The following MAP6D1 variants were observed in gnomAD, a reference collection of about 807,000 sequenced individuals.
MAP6D1 encodes MAP6 domain containing 1, also known as MAP6 domain-containing protein 1.
A neutral mutation model predicts 17.4 loss-of-function variants in MAP6D1; 13 were observed. The observed-to-expected ratio is 0.75, with a 90% CI of 0.49 to 1.19. The LOEUF is 1.19. Among genes scored for constraint, MAP6D1 ranks in the 50% most tolerant of loss-of-function variants. The probability of loss-of-function intolerance (pLI) is 0.00; values close to 1 mark genes in which losing one functional copy is unlikely to be tolerated. For synonymous variants in MAP6D1, 141 were observed against 145.7 expected (o/e 0.97, Z 0.23); for missense variants, 313 against 312.6 (o/e 1.00, Z -0.01).
At position 183,817,996 on chromosome 3, in the gene MAP6D1, G is replaced by A. The variant is rs749110009; in HGVS notation, c.517C>T (p.Gln173Ter). 2.5e-6 allele frequency: 4 copies of A among 1,613,632 alleles called. No individual in the cohort carries two copies. The highest frequency in any genetic ancestry group is 3.4e-6 in the Non-Finnish European group (4 of 1,179,554). ...GWDSSPGAGF[Q>*]VPEVRKKFTP... ...TGCTACACCAGCTTCCGGCTGACCTGGAAGCCGGCCCCAGGGCTGCTGTCC... is the reference window on the plus strand; with the variant it reads ...TGCTACACCAGCTTCCGGCTGACCTAGAAGCCGGCCCCAGGGCTGCTGTCC... The change falls in exon 2 of 3, where the codon CAG becomes TAG. Residue 173 changes from glutamine (Q) to a stop codon, truncating the protein, a stop_gained and splice_region_variant. Coordinates refer to ENST00000318631, the MANE Select transcript of MAP6D1 (RefSeq NM_024871.4). LOFTEE classifies it high-confidence loss of function.
At position 183,816,935 on chromosome 3, in the gene MAP6D1, TATGAA is replaced by T. The variant is rs1467494065; in HGVS notation, c.*416_*420del. On this transcript the variant is annotated 3_prime_UTR_variant, in exon 3 of 3. Transcript: ENST00000318631. ...AAGAGCCAAGGGTCTCACTGTAGGT[TATGAA>T]ATTAATCAAGTGCTCACGCATCCTG... 2 of 202,968 alleles carry T rather than the reference TATGAA, an allele frequency of 9.9e-6. No homozygotes were observed. The highest frequency in any genetic ancestry group is 2.4e-5 in the African/African-American group (1 of 42,044). 12.6% of individuals were successfully genotyped at this position (202,968 alleles called of 1,614,324 possible).
At chr3:183,817,476 C>T in intron 2 of MAP6D1, 40 bp from the exon 3 acceptor site, 4 of 1,509,590 alleles carry the variant, frequency 2.6e-6, no homozygotes, top group Non-Finnish European at 2.7e-6. Flanking sequence ...TGGGACTTTT[C>T]CTTAACTCCC....
chr3:183,824,048 A>G (rs1373784407), intron 1 of MAP6D1, among the ~76,000 whole-genome samples: 1 of 152,184 alleles, frequency 6.6e-6, no homozygotes, highest in Non-Finnish European at 1.5e-5. Context: ...GTATGCGTAT[A>G]TTTAAGATCC....
intron 1 of MAP6D1, among the ~76,000 whole-genome samples, chr3:183,823,937 C>G (rs562930130): frequency 6.6e-6 from 1 of 152,364 alleles, no homozygotes; most frequent in Admixed American, 6.5e-5. Flanking sequence ...CCTCAGACAT[C>G]CATCAGGGCA....
Position 183,825,212 on chromosome 3 carries a change from G to T in MAP6D1, c.336C>A (p.Ala112=). Residue 112 remains alanine (A), a synonymous_variant, in exon 1 of 3, where the codon GCC becomes GCA. Coordinates refer to ENST00000318631, the MANE Select transcript of MAP6D1 (RefSeq NM_024871.4). ...AQSSAPPAPG[A]RGVYVLPIGD... is the part of the protein sequence containing the mutation. ...CGATGGGCAGCACGTAGACCCCGCG[G>T]GCGCCGGGCGCAGGTGGCGCGGAGG... 1 of 1,436,336 alleles carries T rather than the reference G, an allele frequency of 7.0e-7. No homozygotes were observed. Among genetic ancestry groups the T allele is most frequent in the East Asian group, 3.0e-5 (1 of 32,900 alleles). The allele number at this position is 1,436,336 out of a possible 1,614,324, so 89.0% of individuals were successfully genotyped here.
chr3:183,821,832 T>C (rs1177671810), intron 1 of MAP6D1, among the ~76,000 whole-genome samples: 1 of 151,934 alleles, frequency 6.6e-6, no homozygotes, highest in African/African-American at 2.4e-5. Context: ...CCGGCCTAAT[T>C]TTTATATTTT....
At chr3:183,822,940 G>A (rs1402724897) in intron 1 of MAP6D1, among the ~76,000 whole-genome samples, 1 of 152,256 alleles carries the variant, frequency 6.6e-6, no homozygotes, top group Non-Finnish European at 1.5e-5. Context: ...TGCCCATGGA[G>A]CGAGCTGACT....
At chr3:183,822,071 A>G (rs1727270990) in intron 1 of MAP6D1, among the ~76,000 whole-genome samples, 1 of 152,204 alleles carries the variant, frequency 6.6e-6, no homozygotes, top group Non-Finnish European at 1.5e-5. Context: ...CTGTGGAATT[A>G]AAGAGCCAAA....
rs531107254 is a variant in MAP6D1 at position 183,817,123 on chromosome 3, G to A, written c.*233C>T. The A allele has an allele frequency of 9.2e-5, 48 of 524,174 alleles. No individual in the cohort carries two copies. Among genetic ancestry groups the A allele is most frequent in the Middle Eastern group, 5.3e-4 (1 of 1,904 alleles). The allele number at this position is 524,174 out of a possible 1,614,324, so 32.5% of individuals were successfully genotyped here. A position where few individuals can be genotyped will look rare whatever the true frequency, so the allele number is the denominator to read the frequency against. Reference sequence around the variant, plus strand: ...GACGGCCAGATGGCAGTTAACGAACGCAGGAGCCTTCCACAGGCTTCTCAA... The same window carrying A: ...GACGGCCAGATGGCAGTTAACGAACACAGGAGCCTTCCACAGGCTTCTCAA... On this transcript the variant is annotated 3_prime_UTR_variant, in exon 3 of 3. Coordinates refer to ENST00000318631, the MANE Select transcript of MAP6D1 (RefSeq NM_024871.4).
At chr3:183,819,528 C>T (rs894037007) in intron 1 of MAP6D1, among the ~76,000 whole-genome samples, 1 of 152,176 alleles carries the variant, frequency 6.6e-6, no homozygotes, top group South Asian at 2.1e-4. Flanking sequence ...AGGAGGAACC[C>T]GGGGCTGGAG....
chr3:183,817,163 C>T lies in MAP6D1; in HGVS notation c.*193G>A, dbSNP rs746424540. ...AGGCTTCTCAAGAGGATGCTTGAGG[C>T]TGAGCTGGGTGTGCCAAGTCCATCG... On this transcript the variant is annotated 3_prime_UTR_variant, in exon 3 of 3. Transcript: ENST00000318631. 7 of 578,260 alleles carry T rather than the reference C, an allele frequency of 1.2e-5. No individual in the cohort carries two copies. The highest frequency in any genetic ancestry group is 4.0e-5 in the South Asian group (2 of 50,322). The allele number at this position is 578,260 out of a possible 1,614,324, so 35.8% of individuals were successfully genotyped here.
At chr3:183,823,776 G>A (rs1369484267) in intron 1 of MAP6D1, among the ~76,000 whole-genome samples, 2 of 152,038 alleles carry the variant, frequency 1.3e-5, no homozygotes, top group African/African-American at 2.4e-5. Context: ...GTGACAGAGC[G>A]AGACTCCGTC....
chr3:183,820,715 C>T (rs560833908), intron 1 of MAP6D1, among the ~76,000 whole-genome samples: 144 of 149,144 alleles, frequency 9.7e-4, no homozygotes, highest in African/African-American at 3.5e-3. Context: ...CTGGCTAACA[C>T]GGTGAAACCC....
chr3:183,820,957 T>A (rs1486666068), intron 1 of MAP6D1, among the ~76,000 whole-genome samples: 13 of 150,736 alleles, frequency 8.6e-5, no homozygotes, highest in African/African-American at 2.2e-4. Flanking sequence ...TAGCTGGGTG[T>A]GGTGGTGGGC....
chr3:183,817,559 G>C (rs1727147220), intron 2 of MAP6D1, 123 bp from the exon 3 acceptor site: 1 of 869,450 alleles, frequency 1.2e-6, no homozygotes, highest in African/African-American at 1.7e-5. Context: ...GTTGAGACCT[G>C]AAGGGTCAGA....
chr3:183,819,645 A>G lies in MAP6D1; in HGVS notation c.402-1534T>C, dbSNP rs147898958. Among the ~76,000 whole-genome samples, 316 of 152,348 alleles carry G rather than the reference A, an allele frequency of 2.1e-3. 1 individual carries two copies. Among genetic ancestry groups the G allele is most frequent in the African/African-American group, 7.4e-3 (309 of 41,580 alleles). ...TCAGGCCAAGATTAGTAAGAAATAC[A>G]GGCCTCCCTGCCTGCTGTGCCCCCA... On this transcript the variant is annotated intron_variant, in intron 1 of 2. Coordinates refer to ENST00000318631, the MANE Select transcript of MAP6D1 (RefSeq NM_024871.4).
intron 1 of MAP6D1, among the ~76,000 whole-genome samples, chr3:183,819,032 G>T (rs1432383273): frequency 6.6e-6 from 1 of 152,242 alleles, no homozygotes; most frequent in African/African-American, 2.4e-5. Context: ...TGTGTCCCAG[G>T]AGCACCTGGC....
intron 1 of MAP6D1, chr3:183,820,566 C>T (rs891345423): frequency 6.6e-6 from 1 of 152,360 alleles, no homozygotes; most frequent in Non-Finnish European, 1.5e-5. Context: ...GAGAACGAGA[C>T]CATCCTGGCC....
At chr3:183,825,011 C>T in intron 1 of MAP6D1, 136 bp downstream of exon 1, 1 of 969,424 alleles carries the variant, frequency 1.0e-6, no homozygotes, top group South Asian at 4.2e-5. Flanking sequence ...CTGAGGCCGC[C>T]GGCAGCTCCG....
Sources: allele counts gnomAD v4.1 joint callset (sites outside exome capture counted in the v4.1 genomes callset), GRCh38; gene constraint gnomAD v4.1.1; transcripts MANE v1.5; gene names NCBI Gene and HGNC (gene_info 2026-07-23, HGNC 2026-07-21).